PCDHGA9: variants seen among roughly 807,000 people sequenced by gnomAD.
The protein encoded by PCDHGA9 is protocadherin gamma subfamily A, 9.
A neutral mutation model predicts 62.5 loss-of-function variants in PCDHGA9; 37 were observed. The ratio of observed to expected loss-of-function variants is 0.59; its 90% CI spans 0.46 to 0.78. The LOEUF is 0.78. Among genes scored for constraint, PCDHGA9 ranks in the 30% least tolerant of loss-of-function variants. The pLI is 0.00. For synonymous variants in PCDHGA9, 459 were observed against 484.6 expected, an observed-to-expected ratio of 0.95 and a Z score of 0.69; for missense variants, 1,138 against 1,166.2, an observed-to-expected ratio of 0.98 and a Z score of 0.35.
At chr5:141,415,738 AGGTTTTT>A in intron 1 of PCDHGA9, 2 of 538,082 alleles carry the variant, frequency 3.7e-6, no homozygotes, top group Non-Finnish European at 5.4e-6. Flanking sequence ...ATGTTTATTA[AGGTTTTT>A]TTTTTTTTTT....
At chr5:141,463,460 T>TTC (rs573961569) in intron 1 of PCDHGA9, among the ~76,000 whole-genome samples, 28 of 136,126 alleles carry the variant, frequency 2.1e-4, no homozygotes, top group Admixed American at 4.4e-4. Context: ...TTTTTTTTTT[T>TTC]TTTTTTGAGA....
rs758824309 is a variant in PCDHGA9 at position 141,404,783 on chromosome 5, G to A, written c.1831G>A (p.Ala611Thr). The A allele has an allele frequency of 2.4e-5, 39 of 1,613,798 alleles. No individual in the cohort carries two copies. The highest frequency in any genetic ancestry group is 2.2e-4 in the South Asian group (20 of 91,052). ...NAWLSYRLFKASEPGLFSVGL... is the reference protein window; with the variant it reads ...NAWLSYRLFKTSEPGLFSVGL... ...TTGGCTCTCCTACCGCCTATTCAAG[G>A]CCAGTGAGCCAGGGCTCTTCTCGGT... is the stretch of plus-strand genomic sequence containing the variant. Residue 611 changes from alanine (A) to threonine (T), a missense_variant, in exon 1 of 4, where the codon GCC becomes ACC. Ala to Thr is a moderately conservative substitution (Grantham distance 58, BLOSUM62 0). Transcript: ENST00000573521.
intron 1 of PCDHGA9, chr5:141,478,333 G>T: frequency 6.2e-7 from 1 of 1,613,928 alleles, no homozygotes; most frequent in Non-Finnish European, 8.5e-7. Context: ...GAACACCAGG[G>T]CCCTCCTTGC....
chr5:141,489,073 C>A lies in PCDHGA9; in HGVS notation c.2425-5734C>A, dbSNP rs2099681983. 3.2e-6 allele frequency: 1 copy of A among 315,630 alleles called. No individual in the cohort carries two copies. The highest frequency in any genetic ancestry group is 5.7e-6 in the Non-Finnish European group (1 of 173,976). 19.6% of individuals were successfully genotyped at this position (315,630 alleles called of 1,614,324 possible). A position where few individuals can be genotyped will look rare whatever the true frequency, so the allele number is the denominator to read the frequency against. ...ATTCAGCTCCCCTCCCCCCTGCCCA[C>A]CCCCGCCACTCGGTGACTAAGAACT... On this transcript the variant is annotated intron_variant, in intron 1 of 3. Coordinates refer to ENST00000573521, the MANE Select transcript of PCDHGA9 (RefSeq NM_018921.3). The surrounding 1 kb of genome is among the most constrained non-coding windows in gnomAD (Gnocchi z 4.5).
At chr5:141,422,959 C>G in intron 1 of PCDHGA9, 1 of 1,614,234 alleles carries the variant, frequency 6.2e-7, no homozygotes, top group Non-Finnish European at 8.5e-7. Flanking sequence ...TGGCGTGGAG[C>G]TGGCGCCCCG....
chr5:141,444,463 G>A (rs570185430), intron 1 of PCDHGA9, among the ~76,000 whole-genome samples: 10 of 152,026 alleles, frequency 6.6e-5, no homozygotes, highest in Admixed American at 1.3e-4. Context: ...GAGTCACTGC[G>A]CCCGGTCGCG....
At chr5:141,453,490 G>T (rs921556476) in intron 1 of PCDHGA9, among the ~76,000 whole-genome samples, 3 of 151,922 alleles carry the variant, frequency 2.0e-5, no homozygotes, top group African/African-American at 7.3e-5. Context: ...TTAAAAAAAG[G>T]TGTACTCAGA....
intron 1 of PCDHGA9, among the ~76,000 whole-genome samples, chr5:141,407,629 G>A (rs1025838649): frequency 1.3e-5 from 2 of 151,940 alleles, no homozygotes; most frequent in African/African-American, 4.8e-5. Context: ...TCTATATCTC[G>A]TATTACTTAA....
chr5:141,417,878 C>T, intron 1 of PCDHGA9: 1 of 1,558,216 alleles, frequency 6.4e-7, no homozygotes, highest in Non-Finnish European at 8.7e-7. Context: ...GAGCTGCGCG[C>T]AGAGGCGCCG....
In PCDHGA9 at chr5:141,476,299, C is replaced by G; in HGVS notation, c.2425-18508C>G. On this transcript the variant is annotated intron_variant, in intron 1 of 3. Transcript: ENST00000573521. This position sits in a 1 kb window ranked among gnomAD's most constrained non-coding sequence, Gnocchi z 7.6. The stretch of plus-strand genomic sequence containing the variant: ...ACCTTGGTTTGGATCTCGGTAGCCT[C>G]TCAGCCCGCAGGTTCCGGGTGGTGT... The G allele has an allele frequency of 6.2e-7, 1 of 1,614,100 alleles. No individual in the cohort carries two copies. The highest frequency in any genetic ancestry group is 8.5e-7 in the Non-Finnish European group (1 of 1,180,014).
rs770010951 is a variant in PCDHGA9 at position 141,408,783 on chromosome 5, T to A, written c.2424+3407T>A. On this transcript the variant is annotated intron_variant, in intron 1 of 3. Transcript: ENST00000573521. ...TCCGATGGTGGCAAATACCCAGAGT[T>A]ATCTCTGGAGAAACTCCTAGACCGG... 26 of 1,612,386 alleles carry A rather than the reference T, an allele frequency of 1.6e-5. No homozygotes were observed. The East Asian group carries it at 5.8e-4, about 36-fold the overall frequency.
rs772824235 is a variant in PCDHGA9, at chr5:141,402,908, G to C, written c.-45G>C. 6.5e-7 allele frequency: 1 copy of C among 1,545,226 alleles called. No individual in the cohort carries two copies. Among genetic ancestry groups the C allele is most frequent in the African/African-American group, 1.4e-5 (1 of 72,992 alleles). On this transcript the variant is annotated 5_prime_UTR_variant, in exon 1 of 4. Coordinates refer to ENST00000573521, the MANE Select transcript of PCDHGA9 (RefSeq NM_018921.3). ...GTGGAAGAAAGAACCTGATGAAGCA[G>C]CGCGCACAGAGATCCTTTTGAGAAA...
chr5:141,438,617 TATATATATATATATATATACACAC>T (rs1311176771), intron 1 of PCDHGA9, among the ~76,000 whole-genome samples: 58 of 37,154 alleles, frequency 1.6e-3, no homozygotes, highest in African/African-American at 7.8e-3. Flanking sequence ...TATATATATA[TATATATATATATATATATACACAC>T]ACACACACAC....
Position 141,432,211 on chromosome 5 carries a change from C to T in PCDHGA9, c.2424+26835C>T. 6.2e-7 allele frequency: 1 copy of T among 1,614,232 alleles called. No homozygotes were observed. The highest frequency in any genetic ancestry group is 8.5e-7 in the Non-Finnish European group (1 of 1,180,044). On this transcript the variant is annotated intron_variant, in intron 1 of 3. Coordinates refer to ENST00000573521, the MANE Select transcript of PCDHGA9 (RefSeq NM_018921.3). The surrounding 1 kb of genome is among the most constrained non-coding windows in gnomAD (Gnocchi z 6.0). ...CCCACGACCCCGACTGTGAAGAGAA[C>T]GCCCAGATCACTTATTCCCTGGCTG... is the stretch of plus-strand genomic sequence containing the variant.
intron 1 of PCDHGA9, chr5:141,409,634 G>GGA (rs766487639): frequency 1.2e-6 from 2 of 1,613,720 alleles, no homozygotes; most frequent in African/African-American, 2.7e-5. Flanking sequence ...GAGCGCCTCT[G>GGA]ACCCGGATTT....
At chr5:141,481,913 C>CAAA (rs34114744) in intron 1 of PCDHGA9, among the ~76,000 whole-genome samples, 3 of 90,796 alleles carry the variant, frequency 3.3e-5, no homozygotes, top group Non-Finnish European at 4.4e-5. Flanking sequence ...AACTCCATCT[C>CAAA]AAAAAAAAAA....
At chr5:141,420,501 A>T in intron 1 of PCDHGA9, 1 of 469,392 alleles carries the variant, frequency 2.1e-6, no homozygotes, top group East Asian at 4.1e-5. Context: ...CTCCGGTGAC[A>T]TTTTTATGAA....
chr5:141,489,210 G>C lies in PCDHGA9; in HGVS notation c.2425-5597G>C. ...TCTACCTTGGAGACAGGACAGCACA[G>C]ACTTACTCTCCACAAAGGGACTTCT... On this transcript the variant is annotated intron_variant, in intron 1 of 3. Coordinates refer to ENST00000573521, the MANE Select transcript of PCDHGA9 (RefSeq NM_018921.3). This position sits in a 1 kb window ranked among gnomAD's most constrained non-coding sequence, Gnocchi z 4.5. 6.8e-7 allele frequency: 1 copy of C among 1,461,860 alleles called. No individual in the cohort carries two copies. Among genetic ancestry groups the C allele is most frequent in the African/African-American group, 1.4e-5 (1 of 70,802 alleles). 90.6% of individuals were successfully genotyped at this position (1,461,860 alleles called of 1,614,324 possible).
Position 141,490,122 on chromosome 5 carries a change from C to T in PCDHGA9, c.2425-4685C>T. 3 of 1,614,260 alleles carry T rather than the reference C, an allele frequency of 1.9e-6. No homozygotes were observed. The highest frequency in any genetic ancestry group is 2.5e-6 in the Non-Finnish European group (3 of 1,180,046). On this transcript the variant is annotated intron_variant, in intron 1 of 3. Coordinates refer to ENST00000573521, the MANE Select transcript of PCDHGA9 (RefSeq NM_018921.3). The surrounding 1 kb of genome is among the most constrained non-coding windows in gnomAD (Gnocchi z 5.4). ...CTGAGGCAGTGCGGAACCTCTTTGG[C>T]CTAGACCCTAGCAGTGGGGCAATCC... is the stretch of plus-strand genomic sequence containing the variant.
Sources: gnomAD v4.1 joint callset for allele counts (sites outside exome capture counted in the v4.1 genomes callset) on GRCh38, gnomAD v4.1.1 for gene constraint, Gnocchi (gnomAD v3.1) non-coding constraint, MANE v1.5 for transcripts, NCBI Gene and HGNC (gene_info 2026-07-23, HGNC 2026-07-21) for gene names.